SDK1: variants seen among roughly 807,000 people sequenced by gnomAD.
SDK1 encodes the protein sidekick cell adhesion molecule 1, also known as protein sidekick-1.
A neutral mutation model predicts 245.5 loss-of-function variants in SDK1; 157 were observed. That is an observed-to-expected ratio of 0.64 (90% CI 0.56 to 0.73). The LOEUF is 0.73. Ranked by LOEUF, SDK1 falls within the 30% of genes least tolerant of loss-of-function variation. SDK1 has a pLI of 0.00. For synonymous variants in SDK1, 1,647 were observed against 1,278.5 expected, an observed-to-expected ratio of 1.29 and a Z score of -6.15; for missense variants, 3,583 against 3,002.3, an observed-to-expected ratio of 1.19 and a Z score of -4.52.
At chr7:3,735,186 C>T (rs557938754) in intron 4 of SDK1, among the ~76,000 whole-genome samples, 8 of 152,232 alleles carry the variant, frequency 5.3e-5, no homozygotes, top group African/African-American at 1.9e-4. Flanking sequence ...ATGTTCATAA[C>T]ATAAAATTTA....
At chr7:3,714,303 A>G (rs970466957) in intron 4 of SDK1, among the ~76,000 whole-genome samples, 27 of 152,224 alleles carry the variant, frequency 1.8e-4, no homozygotes, top group Non-Finnish European at 3.5e-4. Flanking sequence ...ATTGTAAAAT[A>G]TGAAGGAAAA....
At chr7:3,383,266 C>G (rs1781533420) in intron 1 of SDK1, among the ~76,000 whole-genome samples, 1 of 151,996 alleles carries the variant, frequency 6.6e-6, no homozygotes, top group Non-Finnish European at 1.5e-5. Context: ...CAAAAATTAG[C>G]CTGGTGTGGT....
intron 4 of SDK1, among the ~76,000 whole-genome samples, chr7:3,777,514 A>G (rs1425268566): frequency 6.6e-6 from 1 of 152,216 alleles, no homozygotes; most frequent in African/African-American, 2.4e-5. Context: ...ACCAGAACCC[A>G]GGCCTGTGTC....
At chr7:3,385,544 C>T (rs1447291828) in intron 1 of SDK1, among the ~76,000 whole-genome samples, 1 of 151,972 alleles carries the variant, frequency 6.6e-6, no homozygotes, top group East Asian at 1.9e-4. Flanking sequence ...TAGCCTCAGA[C>T]CCATCGCACC....
intron 4 of SDK1, among the ~76,000 whole-genome samples, chr7:3,651,190 C>T (rs765463071): frequency 2.0e-5 from 3 of 148,918 alleles, no homozygotes; most frequent in Non-Finnish European, 4.4e-5. Flanking sequence ...ATTTTGTAAT[C>T]CCACCAGCAA....
In SDK1 at chr7:4,114,101, G is replaced by A. The variant is rs1278062937; in HGVS notation, c.3650G>A (p.Arg1217His). Residue 1217 changes from arginine (R) to histidine (H), a missense_variant, in exon 25 of 45, where the codon CGC (arginine) becomes CAC (histidine). Arg to His is a conservative substitution (Grantham distance 29, BLOSUM62 0). Coordinates refer to ENST00000404826, the MANE Select transcript of SDK1 (RefSeq NM_152744.4). ...ESVGYRIKYW[R>H]SDLQSSAVAQ... The stretch of plus-strand genomic sequence containing the variant: ...GTGGGCTACAGGATTAAGTACTGGC[G>A]CTCAGACCTCCAGTCCTCAGCAGTG... The A allele has an allele frequency of 6.8e-6, 11 of 1,614,084 alleles. No homozygotes were observed. The East Asian group carries it at 1.8e-4, about 26-fold the overall frequency.
chr7:3,927,363 T>C (rs1178179119), intron 5 of SDK1, among the ~76,000 whole-genome samples: 1 of 152,212 alleles, frequency 6.6e-6, no homozygotes, highest in East Asian at 1.9e-4. Flanking sequence ...GCATTTCATT[T>C]ATTGAGCACC....
intron 1 of SDK1, among the ~76,000 whole-genome samples, chr7:3,349,367 A>T (rs1043970171): frequency 6.6e-6 from 1 of 152,074 alleles, no homozygotes; most frequent in African/African-American, 2.4e-5. Context: ...TCTGAAAAAG[A>T]AGCCTGCTCC....
At chr7:3,964,266 G>A (rs1303290575) in intron 9 of SDK1, among the ~76,000 whole-genome samples, 1 of 152,164 alleles carries the variant, frequency 6.6e-6, no homozygotes, top group African/African-American at 2.4e-5. Context: ...AACTGCTGAG[G>A]CCCACAAGCA....
chr7:3,385,779 G>T lies in SDK1; in HGVS notation c.298+83895G>T, dbSNP rs115198633. Among the ~76,000 whole-genome samples the T allele has an allele frequency of 3.9e-3, 597 of 152,158 alleles. 4 individuals carry two copies. The highest frequency in any genetic ancestry group is 0.014 in the African/African-American group (569 of 41,516). ...TGAGATGGAGATCATATTTTGTGGC[G>T]ATTAGTAAGGGATTGTAATATCTCT... On this transcript the variant is annotated intron_variant, in intron 1 of 44. Coordinates refer to ENST00000404826, the MANE Select transcript of SDK1 (RefSeq NM_152744.4).
At chr7:4,153,718 C>A (rs1412580615) in intron 30 of SDK1, among the ~76,000 whole-genome samples, 1 of 152,176 alleles carries the variant, frequency 6.6e-6, no homozygotes. Context: ...TGTCTGTCAC[C>A]TGGGCTGGAG....
intron 1 of SDK1, among the ~76,000 whole-genome samples, chr7:3,413,709 C>A (rs368968022): frequency 4.6e-5 from 7 of 152,124 alleles, no homozygotes; most frequent in Middle Eastern, 3.4e-3. Context: ...AAATAAATAA[C>A]TAGGAGGCTG....
chr7:3,468,907 G>C (rs766602282), intron 1 of SDK1, among the ~76,000 whole-genome samples: 1 of 152,118 alleles, frequency 6.6e-6, no homozygotes, highest in Non-Finnish European at 1.5e-5. Context: ...TACCTTCAGA[G>C]GGTGAAGGGG....
At chr7:3,860,192 A>G (rs568856864) in intron 5 of SDK1, among the ~76,000 whole-genome samples, 18 of 152,172 alleles carry the variant, frequency 1.2e-4, no homozygotes, top group Non-Finnish European at 2.5e-4. Context: ...AGTGATAGAA[A>G]TATTTTATTG....
chr7:3,322,290 A>G (rs990336918), intron 1 of SDK1, among the ~76,000 whole-genome samples: 2 of 152,108 alleles, frequency 1.3e-5, no homozygotes, highest in African/African-American at 4.8e-5. Context: ...TTTGAGGTTC[A>G]TCTGGGTTGT....
chr7:3,849,194 G>T (rs1780357404), intron 5 of SDK1, among the ~76,000 whole-genome samples: 1 of 152,112 alleles, frequency 6.6e-6, no homozygotes. Flanking sequence ...CAAATCCCCT[G>T]GCCTGGAATG....
chr7:3,633,401 C>T (rs914430670), intron 2 of SDK1, among the ~76,000 whole-genome samples: 8 of 152,054 alleles, frequency 5.3e-5, no homozygotes, highest in African/African-American at 1.7e-4. Context: ...CAGGTAGATT[C>T]GGTCATATCA....
intron 35 of SDK1, among the ~76,000 whole-genome samples, chr7:4,181,087 T>C (rs1175024113): frequency 2.6e-5 from 4 of 152,242 alleles, no homozygotes; most frequent in Admixed American, 2.6e-4. Context: ...CCCATACCTA[T>C]GAAGCAGGCC....
intron 43 of SDK1, among the ~76,000 whole-genome samples, chr7:4,242,239 C>G (rs566541793): frequency 1.3e-5 from 2 of 152,132 alleles, no homozygotes; most frequent in Non-Finnish European, 2.9e-5. Context: ...CTGGGCGTTC[C>G]TAGTTCATGG....
Sources: gnomAD v4.1 joint callset for allele counts (sites outside exome capture counted in the v4.1 genomes callset) on GRCh38, gnomAD v4.1.1 for gene constraint, MANE v1.5 for transcripts, NCBI Gene and HGNC (gene_info 2026-07-23, HGNC 2026-07-21) for gene names.